Variants in PITPNM2 observed in about 807,000 individuals in gnomAD.
PITPNM2 encodes the protein phosphatidylinositol transfer protein membrane associated 2, also known as membrane-associated phosphatidylinositol transfer protein 2.
In PITPNM2, 35 loss-of-function variants were observed where a neutral mutation model predicts 132.2. That is an observed-to-expected ratio of 0.26 (90% CI 0.20 to 0.35). The LOEUF is 0.35. PITPNM2 is among the 10% of genes least tolerant of loss of function. The pLI is 1.00. For missense variants in PITPNM2, 1,332 were observed against 1,912.0 expected (o/e 0.70, Z 5.66); for synonymous variants, 738 against 799.2 (o/e 0.92, Z 1.29).
chr12:123,119,110 C>G (rs561431535), intron 1 of PITPNM2, among the ~76,000 whole-genome samples: 1 of 152,118 alleles, frequency 6.6e-6, no homozygotes, highest in African/African-American at 2.4e-5. Context: ...TTACCAAGGG[C>G]CTCTTCAGGA....
rs561183656 is a variant in PITPNM2 at position 122,983,967 on chromosome 12, G to A, written c.*2060C>T. The A allele has an allele frequency of 2.0e-5, 3 of 152,834 alleles. No homozygotes were observed. Among genetic ancestry groups the A allele is most frequent in the African/African-American group, 7.2e-5 (3 of 41,596 alleles). 9.5% of individuals were successfully genotyped at this position (152,834 alleles called of 1,614,324 possible). A position where few individuals can be genotyped will look rare whatever the true frequency, so the allele number is the denominator to read the frequency against. ...CAGAAAGACTGGTACTTCCTCAAGA[G>A]GAGAATGTGCCAAAAGGAATCTGAA... On this transcript the variant is annotated 3_prime_UTR_variant, in exon 26 of 26. Transcript: ENST00000320201.
chr12:123,051,087 C>T (rs1175455699), intron 2 of PITPNM2, among the ~76,000 whole-genome samples: 2 of 152,164 alleles, frequency 1.3e-5, no homozygotes, highest in African/African-American at 2.4e-5. Context: ...CATGATTTTG[C>T]GCAATGTCTT....
Position 122,986,131 on chromosome 12 carries a change from C to T in PITPNM2, c.3946G>A (p.Asp1316Asn). ...CTGCGCTGGCCCCGCTGCTCGCCAT[C>T]CGCCTGGCTCTGTGTCCGCTCGTGC... ...HRHERTQSQADGEQRGQRSMS... is the reference protein window; with the variant it reads ...HRHERTQSQANGEQRGQRSMS... Residue 1316 changes from aspartate (D) to asparagine (N), a missense_variant, in exon 26 of 26, where the codon GAT becomes AAT. This residue lies in a region of PITPNM2 where 163 missense variants were observed against 177.2 expected (regional missense o/e 0.92). Coordinates refer to ENST00000320201, the MANE Select transcript of PITPNM2 (RefSeq NM_020845.3). 2 of 1,512,118 alleles carry T rather than the reference C, an allele frequency of 1.3e-6. No homozygotes were observed. The highest frequency in any genetic ancestry group is 1.8e-6 in the Non-Finnish European group (2 of 1,136,616). The allele number at this position is 1,512,118 out of a possible 1,614,324, so 93.7% of individuals were successfully genotyped here.
chr12:123,025,696 T>C (rs556237946), intron 3 of PITPNM2, among the ~76,000 whole-genome samples: 9 of 152,194 alleles, frequency 5.9e-5, no homozygotes, highest in South Asian at 4.2e-4. Flanking sequence ...CCTCCCAAAG[T>C]GCTGGGATTA....
At position 122,987,809 on chromosome 12, in the gene PITPNM2, G is replaced by A. The variant is rs2038001498; in HGVS notation, c.3090C>T (p.Asp1030=). The A allele has an allele frequency of 2.5e-6, 4 of 1,613,910 alleles. No individual in the cohort carries two copies. The highest frequency in any genetic ancestry group is 2.2e-5 in the East Asian group (1 of 44,896). Residue 1030 remains aspartate, a synonymous_variant, in exon 21 of 26, where the codon GAC becomes GAT. Transcript: ENST00000320201. ...LTGRFMYGPL[D]MVTLTGEKVD... Reference sequence around the variant, plus strand: ...CCTTCTCCCCAGTCAGGGTGACCATGTCCAGGGGCCCATACATGAACCTGC... The same window carrying A: ...CCTTCTCCCCAGTCAGGGTGACCATATCCAGGGGCCCATACATGAACCTGC...
rs750750789 is a variant in PITPNM2, at chr12:122,986,318, C to T, written c.3759G>A (p.Ala1253=). 5.1e-6 allele frequency: 8 copies of T among 1,581,418 alleles called. No homozygotes were observed. Among genetic ancestry groups the T allele is most frequent in the South Asian group, 3.5e-5 (3 of 86,872 alleles). The change falls in exon 26 of 26, where the codon GCG becomes GCA. Residue 1253 remains alanine, a synonymous_variant. Transcript: ENST00000320201. The stretch of plus-strand genomic sequence containing the variant: ...GCGCCCGGTGGCTGTACTTCAGCTG[C>T]GCCAGGTGGGCCGCGTAGCCATCCG... ...FITDGYAAHL[A]QLKYSHRARP...
In PITPNM2 at chr12:123,001,112, C is replaced by T. The variant is rs745402650; in HGVS notation, c.1095G>A (p.Lys365=). ...TGTCCATGAGGTCATTGGAGCTCCACTTGGTGATGTCCTTGGGGAACATTT... is the reference window on the plus strand; with the variant it reads ...TGTCCATGAGGTCATTGGAGCTCCATTTGGTGATGTCCTTGGGGAACATTT... ...TEEMFPKDIT[K]WSSNDLMDKI... Residue 365 remains lysine (K), a synonymous_variant, in exon 9 of 26, where the codon AAG becomes AAA. Transcript: ENST00000320201. 15 of 1,614,092 alleles carry T rather than the reference C, an allele frequency of 9.3e-6. No homozygotes were observed. In the Admixed American group the frequency reaches 1.2e-4, roughly 13 times the overall value.
chr12:123,043,396 C>A (rs551492232), intron 2 of PITPNM2, among the ~76,000 whole-genome samples: 1 of 152,258 alleles, frequency 6.6e-6, no homozygotes, highest in African/African-American at 2.4e-5. Context: ...CCCCACCCCC[C>A]ACAGATTCCT....
At chr12:123,053,993 T>G (rs770419352) in intron 2 of PITPNM2, among the ~76,000 whole-genome samples, 27 of 152,254 alleles carry the variant, frequency 1.8e-4, no homozygotes, top group Admixed American at 5.9e-4. Flanking sequence ...ATTTTATCAC[T>G]TATGTAGGTT....
intron 2 of PITPNM2, among the ~76,000 whole-genome samples, chr12:123,051,986 T>G (rs2040871704): frequency 6.6e-6 from 1 of 150,862 alleles, no homozygotes; most frequent in South Asian, 2.1e-4. Context: ...CATTGCAACC[T>G]CTGCCTCCTG....
chr12:123,029,496 G>A (rs1485461680), intron 3 of PITPNM2, among the ~76,000 whole-genome samples: 1 of 152,170 alleles, frequency 6.6e-6, no homozygotes, highest in Non-Finnish European at 1.5e-5. Flanking sequence ...TGAGGCAGAG[G>A]AATCGCTTAA....
chr12:123,030,013 G>GCAGACACCCACAAAGAGGTGGAAGA (rs1215258038), intron 3 of PITPNM2, among the ~76,000 whole-genome samples: 2 of 152,134 alleles, frequency 1.3e-5, no homozygotes, highest in Non-Finnish European at 2.9e-5. Flanking sequence ...GAGGTGGAAG[G>GCAGACACCCACAAAGAGGTGGAAGA]CACTAGGTGC....
chr12:123,025,217 T>G (rs2039814296), intron 3 of PITPNM2, among the ~76,000 whole-genome samples: 3 of 152,166 alleles, frequency 2.0e-5, no homozygotes, highest in Non-Finnish European at 2.9e-5. Context: ...TGTGTATGTG[T>G]GCGTGCATAC....
intron 2 of PITPNM2, among the ~76,000 whole-genome samples, chr12:123,101,631 C>T (rs996176018): frequency 2.6e-5 from 4 of 152,154 alleles, no homozygotes; most frequent in South Asian, 4.2e-4. Context: ...AGTAAATGTT[C>T]GTCATGTGTT....
Position 122,988,246 on chromosome 12 carries a change from G to T in PITPNM2, c.2985C>A (p.His995Gln). ...GGGGGACCCTCACCCGCAGCTTCACGTGGGTCCGCTTGCGCTGCCACTTCT... is the reference window on the plus strand; with the variant it reads ...GGGGGACCCTCACCCGCAGCTTCACTTGGGTCCGCTTGCGCTGCCACTTCT... ...PREKWQRKRT[H>Q]VKLRNVTANH... Residue 995 changes from histidine to glutamine, a missense_variant, in exon 20 of 26, where the codon CAC becomes CAA. Around this residue, in one of 6 missense-constraint regions of PITPNM2, gnomAD observed 251 missense variants for 472.0 expected, o/e 0.53. Transcript: ENST00000320201. The T allele has an allele frequency of 1.2e-6, 2 of 1,612,782 alleles. No homozygotes were observed. Among genetic ancestry groups the T allele is most frequent in the East Asian group, 2.2e-5 (1 of 44,880 alleles).
At chr12:123,040,851 TA>T (rs1050789622) in intron 2 of PITPNM2, among the ~76,000 whole-genome samples, 7 of 152,332 alleles carry the variant, frequency 4.6e-5, no homozygotes, top group African/African-American at 1.7e-4. Context: ...GATACTTTTT[TA>T]AAAAAAGATT....
At chr12:123,043,881 G>C (rs545095348) in intron 2 of PITPNM2, among the ~76,000 whole-genome samples, 1 of 152,240 alleles carries the variant, frequency 6.6e-6, no homozygotes, top group South Asian at 2.1e-4. Context: ...GGGTGGAAAC[G>C]GGCACAAATG....
chr12:123,103,902 T>G (rs2042627362), intron 2 of PITPNM2, among the ~76,000 whole-genome samples: 1 of 151,634 alleles, frequency 6.6e-6, no homozygotes, highest in Non-Finnish European at 1.5e-5. Flanking sequence ...GTTATTTTAT[T>G]TATTTATTTA....
intron 1 of PITPNM2, among the ~76,000 whole-genome samples, chr12:123,112,430 C>A (rs1011582376): frequency 3.9e-5 from 6 of 152,130 alleles, no homozygotes; most frequent in African/African-American, 1.4e-4. Context: ...TAGTCACAGT[C>A]CTGGAGGGGA....
Sources: allele counts gnomAD v4.1 joint callset (sites outside exome capture counted in the v4.1 genomes callset), GRCh38; gene constraint gnomAD v4.1.1; regional missense constraint gnomAD v4.1.1; transcripts MANE v1.5; gene names NCBI Gene and HGNC (gene_info 2026-07-23, HGNC 2026-07-21).